The following SLC16A9 variants were observed in gnomAD, a reference collection of about 807,000 sequenced individuals.
SLC16A9 encodes the protein solute carrier family 16 member 9.
In SLC16A9, 26 loss-of-function variants were observed where a neutral mutation model predicts 44.3. The observed-to-expected ratio is 0.59, with a 90% CI of 0.43 to 0.81. The LOEUF is 0.81. Ranked by LOEUF, SLC16A9 falls within the 40% of genes least tolerant of loss-of-function variation. The probability of loss-of-function intolerance (pLI) is 0.00; values close to 1 mark genes in which losing one functional copy is unlikely to be tolerated. For synonymous variants in SLC16A9, 230 were observed against 225.1 expected, an observed-to-expected ratio of 1.02 and a Z score of -0.19; for missense variants, 559 against 595.8, an observed-to-expected ratio of 0.94 and a Z score of 0.64.
intron 1 of SLC16A9, among the ~76,000 whole-genome samples, chr10:59,693,810 G>A (rs936490104): frequency 6.6e-6 from 1 of 150,692 alleles, no homozygotes; most frequent in Admixed American, 6.6e-5. Context: ...TTAGTAAGAC[G>A]GAGTTTCACT....
At chr10:59,675,178 C>T (rs978648249) in intron 2 of SLC16A9, among the ~76,000 whole-genome samples, 9 of 152,184 alleles carry the variant, frequency 5.9e-5, no homozygotes, top group South Asian at 2.1e-4. Flanking sequence ...AAGTTGAAAA[C>T]GGTCTAAACA....
chr10:59,677,393 A>G (rs139241473), intron 2 of SLC16A9, among the ~76,000 whole-genome samples: 259 of 152,284 alleles, frequency 1.7e-3, no homozygotes, highest in African/African-American at 5.9e-3. Flanking sequence ...CACCCAGCGC[A>G]GTGTGTATTT....
At position 59,681,732 on chromosome 10, in the gene SLC16A9, TATGTATATG is replaced by T. The variant is rs771276685; in HGVS notation, c.196+2355_196+2363del. Among the ~76,000 whole-genome samples the T allele has an allele frequency of 0.065, 365 of 5,628 alleles. 146 individuals are homozygous for T. The East Asian group carries it at 0.85, about 13-fold the overall frequency. The allele number at this position is 5,628 out of a possible 152,430, so 3.7% of individuals were successfully genotyped here. A position where few individuals can be genotyped will look rare whatever the true frequency, so the allele number is the denominator to read the frequency against. ...TGTATATGTATATGATGTATATGTATATGTATATGATGTATATGTATATGTATATGATGT... is the reference window on the plus strand; with the variant it reads ...TGTATATGTATATGATGTATATGTATATGTATATGTATATGTATATGATGT... On this transcript the variant is annotated intron_variant, in intron 2 of 5. Transcript: ENST00000395348.
chr10:59,661,010 A>C (rs935847457), intron 4 of SLC16A9, among the ~76,000 whole-genome samples: 7 of 152,202 alleles, frequency 4.6e-5, no homozygotes, highest in African/African-American at 1.7e-4. Flanking sequence ...ATCTCAAAAT[A>C]ATAAGATCTA....
At chr10:59,688,318 A>G (rs891935523) in intron 1 of SLC16A9, among the ~76,000 whole-genome samples, 2 of 152,230 alleles carry the variant, frequency 1.3e-5, no homozygotes, top group Non-Finnish European at 2.9e-5. Context: ...CTGGGCTTCC[A>G]TGGATTTATT....
In SLC16A9 at chr10:59,676,580, A is replaced by G. The variant is rs535725755; in HGVS notation, c.197-3667T>C. Among the ~76,000 whole-genome samples the G allele has an allele frequency of 5.2e-4, 79 of 152,108 alleles. No homozygotes were observed. In the South Asian group the frequency reaches 7.9e-3, roughly 15 times the overall value. ...ACAATTTTAGGGAAAAAAGGGGGGGAAAAAGGGGCAAGGGTTCCTAATGTT... is the reference window on the plus strand; with the variant it reads ...ACAATTTTAGGGAAAAAAGGGGGGGGAAAAGGGGCAAGGGTTCCTAATGTT... On this transcript the variant is annotated intron_variant, in intron 2 of 5. Coordinates refer to ENST00000395348, the MANE Select transcript of SLC16A9 (RefSeq NM_194298.3).
Position 59,652,886 on chromosome 10 carries a change from C to G in SLC16A9, c.1416G>C (p.Leu472=). Residue 472 remains leucine, a synonymous_variant, in exon 6 of 6, where the codon CTG becomes CTC. Transcript: ENST00000395348. ...IAFYFSGFCV[L]LGGFILLLAA... ...CCAGCAGCAGAATAAAACCTCCCAG[C>G]AGGACGCAGAAGCCACTAAAATAAA... 1 of 1,613,882 alleles carries G rather than the reference C, an allele frequency of 6.2e-7. No individual in the cohort carries two copies. Among genetic ancestry groups the G allele is most frequent in the South Asian group, 1.1e-5 (1 of 91,058 alleles).
intron 1 of SLC16A9, among the ~76,000 whole-genome samples, chr10:59,693,574 A>C (rs549518245): frequency 1.3e-5 from 2 of 152,236 alleles, no homozygotes; most frequent in Admixed American, 1.3e-4. Flanking sequence ...TGAAATAGCT[A>C]TTCAAGGGGG....
intron 1 of SLC16A9, among the ~76,000 whole-genome samples, chr10:59,697,729 T>TA (rs1223410970): frequency 4.4e-5 from 6 of 135,568 alleles, no homozygotes; most frequent in South Asian, 2.3e-4. Flanking sequence ...GAATGATCAA[T>TA]AAAAAAAATA....
At chr10:59,707,276 AGGG>A (rs1840661679) in intron 1 of SLC16A9, among the ~76,000 whole-genome samples, 245 of 18,830 alleles carry the variant, frequency 0.013, 2 homozygotes, top group African/African-American at 0.06. Context: ...AGGGGAGAGG[AGGG>A]AAGGGAAGGG....
intron 1 of SLC16A9, among the ~76,000 whole-genome samples, chr10:59,703,220 C>G (rs1840563113): frequency 6.6e-6 from 1 of 152,156 alleles, no homozygotes; most frequent in Admixed American, 6.5e-5. Context: ...CTCCCAAGCT[C>G]AAATGATCCT....
intron 4 of SLC16A9, 108 bp downstream of exon 4, chr10:59,664,118 CT>C: frequency 2.0e-6 from 1 of 490,856 alleles, no homozygotes; most frequent in South Asian, 5.7e-5. Flanking sequence ...ATTTTGCTAC[CT>C]GATTGGTAGC....
At position 59,665,374 on chromosome 10, in the gene SLC16A9, T is replaced by A. The variant is rs555483973; in HGVS notation, c.341-1052A>T. ...TTAAAATAGCTACCTGGACTATGAT[T>A]TAAAAGAATACATGAGTTTAACAAA... On this transcript the variant is annotated intron_variant, in intron 3 of 5. Transcript: ENST00000395348. Among the ~76,000 whole-genome samples, 413 of 152,346 alleles carry A rather than the reference T, an allele frequency of 2.7e-3. 2 individuals carry two copies. The highest frequency in any genetic ancestry group is 4.6e-3 in the Admixed American group (71 of 15,306).
intron 1 of SLC16A9, among the ~76,000 whole-genome samples, chr10:59,702,819 C>A (rs907812103): frequency 6.6e-6 from 1 of 152,184 alleles, no homozygotes; most frequent in Non-Finnish European, 1.5e-5. Flanking sequence ...ACAAGTCAAA[C>A]ACTTAATTTA....
At chr10:59,658,681 C>T (rs1184691102) in intron 4 of SLC16A9, among the ~76,000 whole-genome samples, 3 of 152,204 alleles carry the variant, frequency 2.0e-5, no homozygotes, top group African/African-American at 7.2e-5. Flanking sequence ...AACTGCATTC[C>T]AACTACTCTG....
At chr10:59,695,174 G>A (rs926266971) in intron 1 of SLC16A9, among the ~76,000 whole-genome samples, 1 of 151,992 alleles carries the variant, frequency 6.6e-6, no homozygotes, top group Non-Finnish European at 1.5e-5. Context: ...GGGAGAAATG[G>A]GGAGTGACTG....
intron 1 of SLC16A9, among the ~76,000 whole-genome samples, chr10:59,701,679 C>A (rs967616715): frequency 1.3e-5 from 2 of 152,182 alleles, no homozygotes; most frequent in East Asian, 1.9e-4. Flanking sequence ...CTGATTCTTT[C>A]TTCTAAAAGT....
At chr10:59,702,512 C>T (rs1052121053) in intron 1 of SLC16A9, among the ~76,000 whole-genome samples, 3 of 152,170 alleles carry the variant, frequency 2.0e-5, no homozygotes, top group South Asian at 2.1e-4. Context: ...TCAGCTCAGT[C>T]ACAGTAAGGT....
intron 1 of SLC16A9, among the ~76,000 whole-genome samples, chr10:59,690,401 C>T (rs531014641): frequency 7.2e-5 from 11 of 152,072 alleles, no homozygotes; most frequent in African/African-American, 2.7e-4. Context: ...AGTACGTACA[C>T]GATTGGGTGC....
Sources: gnomAD v4.1 joint callset for allele counts (sites outside exome capture counted in the v4.1 genomes callset) on GRCh38, gnomAD v4.1.1 for gene constraint, MANE v1.5 for transcripts, NCBI Gene and HGNC (gene_info 2026-07-23, HGNC 2026-07-21) for gene names.